Variants in LIN7A observed in about 807,000 individuals in gnomAD.
LIN7A encodes the protein protein lin-7 homolog A.
LIN7A carries 25 observed loss-of-function variants against 29.8 expected under a neutral mutation model. The ratio of observed to expected loss-of-function variants is 0.84; its 90% CI spans 0.61 to 1.17. The LOEUF (loss-of-function observed/expected upper bound fraction) is 1.17. LIN7A is among the 50% of genes most tolerant of loss of function. The pLI is 0.00. For synonymous variants in LIN7A, 118 were observed against 107.5 expected, an observed-to-expected ratio of 1.10 and a Z score of -0.60; for missense variants, 239 against 287.0, an observed-to-expected ratio of 0.83 and a Z score of 1.21.
intron 2 of LIN7A, among the ~76,000 whole-genome samples, chr12:80,870,084 A>C (rs1874352108): frequency 6.6e-6 from 1 of 152,210 alleles, no homozygotes; most frequent in African/African-American, 2.4e-5. Flanking sequence ...AACTTCCCTA[A>C]TTCCTAATAG....
chr12:80,813,072 G>T (rs1380110584), intron 4 of LIN7A, among the ~76,000 whole-genome samples: 1 of 151,518 alleles, frequency 6.6e-6, no homozygotes, highest in South Asian at 2.1e-4. Flanking sequence ...GTGCAATGGC[G>T]CGATCTTGGC....
intron 4 of LIN7A, among the ~76,000 whole-genome samples, chr12:80,841,183 G>A (rs1355554787): frequency 3.3e-5 from 5 of 151,990 alleles, no homozygotes; most frequent in Non-Finnish European, 7.4e-5. Context: ...TTGCAAGGAT[G>A]GAATGAGCAC....
In LIN7A at chr12:80,796,854, A is replaced by G. The variant is rs552568101; in HGVS notation, c.*873T>C. On this transcript the variant is annotated 3_prime_UTR_variant, in exon 6 of 6. Coordinates refer to ENST00000552864, the MANE Select transcript of LIN7A (RefSeq NM_004664.4). ...ATATTGAGAGTGGGTTTATGTATAT[A>G]ACATACGAGAATCTGTTCACAGGGC... 7.9e-5 allele frequency: 12 copies of G among 152,282 alleles called. No individual in the cohort carries two copies. Among genetic ancestry groups the G allele is most frequent in the African/African-American group, 1.4e-4 (6 of 41,580 alleles). 9.4% of individuals were successfully genotyped at this position (152,282 alleles called of 1,614,324 possible). A position where few individuals can be genotyped will look rare whatever the true frequency, so the allele number is the denominator to read the frequency against.
chr12:80,848,106 G>A (rs1226104793), intron 3 of LIN7A, 145 bp downstream of exon 3: 1 of 707,930 alleles, frequency 1.4e-6, no homozygotes, highest in Non-Finnish European at 2.6e-6. Flanking sequence ...TACCTGAGAA[G>A]TAGTACTGGT....
At chr12:80,886,897 G>A (rs1875356848) in intron 2 of LIN7A, among the ~76,000 whole-genome samples, 1 of 152,042 alleles carries the variant, frequency 6.6e-6, no homozygotes, top group Admixed American at 6.6e-5. Context: ...AGGCTGGTGT[G>A]TTTATTTGAA....
At chr12:80,826,519 A>C (rs768622305) in intron 4 of LIN7A, among the ~76,000 whole-genome samples, 6 of 151,776 alleles carry the variant, frequency 4.0e-5, no homozygotes, top group African/African-American at 9.7e-5. Context: ...TTCCAGCCAG[A>C]GTTACTTTAC....
chr12:80,800,489 C>CAAAAAAAAAAAAAAA (rs55772850), intron 5 of LIN7A, among the ~76,000 whole-genome samples: 2 of 38,068 alleles, frequency 5.3e-5, no homozygotes, highest in African/African-American at 1.8e-4. Flanking sequence ...AACTCCGTCT[C>CAAAAAAAAAAAAAAA]AAAAAAAAAA....
At chr12:80,933,355 A>G (rs1307374021) in intron 1 of LIN7A, among the ~76,000 whole-genome samples, 3 of 152,196 alleles carry the variant, frequency 2.0e-5, no homozygotes, top group East Asian at 1.9e-4. Flanking sequence ...TGAAAGACAG[A>G]TAAGTTGTGA....
intron 5 of LIN7A, among the ~76,000 whole-genome samples, chr12:80,807,881 T>C (rs1871118995): frequency 6.6e-6 from 1 of 152,204 alleles, no homozygotes; most frequent in African/African-American, 2.4e-5. Flanking sequence ...CTAATTGGTC[T>C]CTGCTTCCAC....
intron 2 of LIN7A, among the ~76,000 whole-genome samples, chr12:80,862,165 C>T (rs1031167575): frequency 2.6e-5 from 4 of 152,078 alleles, no homozygotes; most frequent in African/African-American, 4.8e-5. Context: ...TTATACTAAC[C>T]GAACAGAGAG....
chr12:80,849,378 T>A lies in LIN7A; in HGVS notation c.202-1056A>T, dbSNP rs185377070. Among the ~76,000 whole-genome samples the A allele has an allele frequency of 6.1e-3, 922 of 152,296 alleles. 6 individuals carry two copies. Among genetic ancestry groups the A allele is most frequent in the Middle Eastern group, 0.014 (4 of 294 alleles). ...AAATAAATTATACTATTTGCTCTAATAGCCCATTTCAGAGGAGGATTTTCC... is the reference window on the plus strand; with the variant it reads ...AAATAAATTATACTATTTGCTCTAAAAGCCCATTTCAGAGGAGGATTTTCC... On this transcript the variant is annotated intron_variant, in intron 2 of 5. Coordinates refer to ENST00000552864, the MANE Select transcript of LIN7A (RefSeq NM_004664.4).
At chr12:80,904,857 T>C (rs1041286255) in intron 1 of LIN7A, among the ~76,000 whole-genome samples, 1 of 152,226 alleles carries the variant, frequency 6.6e-6, no homozygotes. Flanking sequence ...TTATGCAATA[T>C]TTTTAATAGT....
At chr12:80,876,449 T>A (rs1874706734) in intron 2 of LIN7A, among the ~76,000 whole-genome samples, 1 of 152,174 alleles carries the variant, frequency 6.6e-6, no homozygotes, top group Non-Finnish European at 1.5e-5. Flanking sequence ...AAATTGAGAA[T>A]TTTATTCATG....
At chr12:80,878,706 G>A (rs1406237731) in intron 2 of LIN7A, among the ~76,000 whole-genome samples, 1 of 151,852 alleles carries the variant, frequency 6.6e-6, no homozygotes, top group Non-Finnish European at 1.5e-5. Context: ...ACAGAGTGCT[G>A]ATTGGTCCAT....
chr12:80,913,827 T>C (rs1208083608), intron 1 of LIN7A, among the ~76,000 whole-genome samples: 1 of 152,240 alleles, frequency 6.6e-6, no homozygotes, highest in Non-Finnish European at 1.5e-5. Flanking sequence ...GAAAAAAATC[T>C]ATAGCTATTA....
intron 4 of LIN7A, chr12:80,832,579 G>A (rs113739044): frequency 1.5e-5 from 7 of 473,510 alleles, no homozygotes; most frequent in African/African-American, 6.1e-5. Context: ...ACCATTTGAA[G>A]GTGGTAGGAA....
intron 2 of LIN7A, among the ~76,000 whole-genome samples, chr12:80,886,594 C>T (rs755236437): frequency 3.9e-5 from 6 of 151,922 alleles, no homozygotes; most frequent in Non-Finnish European, 8.8e-5. Flanking sequence ...ACGTGCATTG[C>T]CTTTAAGAAC....
chr12:80,931,802 G>T (rs1271197734), intron 1 of LIN7A, among the ~76,000 whole-genome samples: 2 of 152,148 alleles, frequency 1.3e-5, no homozygotes, highest in Admixed American at 6.5e-5. Flanking sequence ...GCGCTTACTT[G>T]TTTGTACACT....
At chr12:80,842,187 AT>A (rs1356540691) in intron 4 of LIN7A, 26 of 1,196,848 alleles carry the variant, frequency 2.2e-5, no homozygotes, top group Admixed American at 1.7e-4. Context: ...TTATTTATTG[AT>A]TTCCCCCCCT....
Sources: gnomAD v4.1 joint callset for allele counts (sites outside exome capture counted in the v4.1 genomes callset) on GRCh38, gnomAD v4.1.1 for gene constraint, MANE v1.5 for transcripts, NCBI Gene and HGNC (gene_info 2026-07-23, HGNC 2026-07-21) for gene names.